The following CXCL16 variants were observed in gnomAD, a reference collection of about 807,000 sequenced individuals.
CXCL16 encodes the protein C-X-C motif chemokine 16.
In CXCL16, 18 loss-of-function variants were observed where a neutral mutation model predicts 23.8. The observed-to-expected ratio is 0.76, with a 90% confidence interval of 0.52 to 1.12. The LOEUF (loss-of-function observed/expected upper bound fraction) is 1.12, where lower values mean the gene tolerates loss of function less well. Among genes scored for constraint, CXCL16 ranks in the 50% most tolerant of loss-of-function variants. CXCL16 has a pLI of 0.00. For synonymous variants in CXCL16, 123 were observed against 132.5 expected (o/e 0.93, Z 0.49); for missense variants, 297 against 315.4 (o/e 0.94, Z 0.44).
chr17:4,733,743 G>A lies in CXCL16; in HGVS notation c.*760C>T, dbSNP rs895030356. ...TCGCTGCGGGTACAGGAGGATGCAG[G>A]AGAGGGCTGAGGTGGGGGAGGAACA... On this transcript the variant is annotated 3_prime_UTR_variant, in exon 6 of 6. Coordinates refer to ENST00000293778, the MANE Select transcript of CXCL16 (RefSeq NM_001386809.1). 1.3e-5 allele frequency: 2 copies of A among 153,974 alleles called. No homozygotes were observed. The highest frequency in any genetic ancestry group is 4.8e-5 in the African/African-American group (2 of 41,416). 9.5% of individuals were successfully genotyped at this position (153,974 alleles called of 1,614,324 possible). A position where few individuals can be genotyped will look rare whatever the true frequency, so the allele number is the denominator to read the frequency against.
At position 4,739,687 on chromosome 17, in the gene CXCL16, G is replaced by A. The variant is rs1185061859; in HGVS notation, c.-348C>T. 2.6e-6 allele frequency: 2 copies of A among 771,366 alleles called. No homozygotes were observed. The highest frequency in any genetic ancestry group is 4.1e-5 in the Admixed American group (1 of 24,282). The allele number at this position is 771,366 out of a possible 1,614,324, so 47.8% of individuals were successfully genotyped here. A position where few individuals can be genotyped will look rare whatever the true frequency, so the allele number is the denominator to read the frequency against. On this transcript the variant is annotated 5_prime_UTR_variant, in exon 1 of 6. Coordinates refer to ENST00000293778, the MANE Select transcript of CXCL16 (RefSeq NM_001386809.1). This position sits in a 1 kb window ranked among gnomAD's most constrained non-coding sequence, Gnocchi z 5.3. ...CGGCGGCGGGCGAGGAGGGGCGGGA[G>A]GACGACGGCCCGAGGAGCCGATTCG... is the stretch of plus-strand genomic sequence containing the variant.
At position 4,734,596 on chromosome 17, in the gene CXCL16, C is replaced by G; in HGVS notation, c.*10G>C. 1.2e-6 allele frequency: 2 copies of G among 1,606,216 alleles called. No individual in the cohort carries two copies. The highest frequency in any genetic ancestry group is 2.2e-5 in the South Asian group (2 of 90,922). ...GCCACAGTTTACCCTCACAAGCTTC[C>G]ATTCTTGGCTCAGGTATTAGAGTCA... On this transcript the variant is annotated 3_prime_UTR_variant, in exon 5 of 6. Coordinates refer to ENST00000293778, the MANE Select transcript of CXCL16 (RefSeq NM_001386809.1).
chr17:4,734,662 A>G lies in CXCL16; in HGVS notation c.719-10T>C, dbSNP rs376027661. 107 of 1,609,204 alleles carry G rather than the reference A, an allele frequency of 6.6e-5. No individual in the cohort carries two copies. In the African/African-American group the frequency reaches 1.3e-3, roughly 19 times the overall value. ...TAATGAACCGGCAGATCTGGAAAGG[A>G]TAAAGAAATTGAGAGATGAGCTCTG... On this transcript the variant is annotated splice_polypyrimidine_tract_variant and intron_variant, in intron 4 of 5. Transcript: ENST00000293778.
chr17:4,739,136 G>A lies in CXCL16; in HGVS notation c.79+125C>T, dbSNP rs1408466140. ...CCTCTGTCCCCAACCCCAGGCGGCT[G>A]GCTGGCTTTCCTCTTGTCCCCGCTG... On this transcript the variant is annotated intron_variant, in intron 1 of 5. Coordinates refer to ENST00000293778, the MANE Select transcript of CXCL16 (RefSeq NM_001386809.1). This position sits in a 1 kb window ranked among gnomAD's most constrained non-coding sequence, Gnocchi z 5.3. 2 of 1,341,348 alleles carry A rather than the reference G, an allele frequency of 1.5e-6. No individual in the cohort carries two copies. Among genetic ancestry groups the A allele is most frequent in the Non-Finnish European group, 1.0e-6 (1 of 981,794 alleles). 83.1% of individuals were successfully genotyped at this position (1,341,348 alleles called of 1,614,324 possible). A position where few individuals can be genotyped will look rare whatever the true frequency, so the allele number is the denominator to read the frequency against.
rs1477902740 is a variant in CXCL16 at position 4,735,528 on chromosome 17, G to T, written c.302-20C>A. 6.7e-7 allele frequency: 1 copy of T among 1,497,624 alleles called. No homozygotes were observed. Among genetic ancestry groups the T allele is most frequent in the East Asian group, 2.3e-5 (1 of 43,404 alleles). The allele number at this position is 1,497,624 out of a possible 1,614,324, so 92.8% of individuals were successfully genotyped here. On this transcript the variant is annotated intron_variant, in intron 3 of 5. Transcript: ENST00000293778. ...CACATTCTGGAAAGGAAAGAAATGA[G>T]GAATCAGGACTATCAGGAGACAAGG...
At chr17:4,736,070 C>CA (rs943344233) in intron 3 of CXCL16, among the ~76,000 whole-genome samples, 1,915 of 98,278 alleles carry the variant, frequency 0.019, 20 homozygotes, top group African/African-American at 0.034. Context: ...AACTCCATCT[C>CA]AAAAAAAAAA....
chr17:4,739,506 G>T lies in CXCL16; in HGVS notation c.-167C>A. 9.9e-7 allele frequency: 1 copy of T among 1,011,368 alleles called. No homozygotes were observed. Among genetic ancestry groups the T allele is most frequent in the Non-Finnish European group, 1.4e-6 (1 of 691,978 alleles). The allele number at this position is 1,011,368 out of a possible 1,614,324, so 62.6% of individuals were successfully genotyped here. The stretch of plus-strand genomic sequence containing the variant: ...CAGCTGCACCCCCCGGCCCTGCTGT[G>T]CCCCGACCGTGCGCTCAGTACTCGG... On this transcript the variant is annotated 5_prime_UTR_variant, in exon 1 of 6. Transcript: ENST00000293778. This position sits in a 1 kb window ranked among gnomAD's most constrained non-coding sequence, Gnocchi z 5.3.
chr17:4,739,375 C>T lies in CXCL16; in HGVS notation c.-36G>A. ...CGCGGACTCTGCGGGGATGGAGCCACCTCGCTCTGACTCCCAGACATGCTC... is the reference window on the plus strand; with the variant it reads ...CGCGGACTCTGCGGGGATGGAGCCATCTCGCTCTGACTCCCAGACATGCTC... On this transcript the variant is annotated 5_prime_UTR_variant, in exon 1 of 6. In the 5' UTR this introduces an upstream ATG that the reference lacks. Transcript: ENST00000293778. This position sits in a 1 kb window ranked among gnomAD's most constrained non-coding sequence, Gnocchi z 5.3. 1 of 1,612,662 alleles carries T rather than the reference C, an allele frequency of 6.2e-7. No individual in the cohort carries two copies. The highest frequency in any genetic ancestry group is 8.5e-7 in the Non-Finnish European group (1 of 1,179,812).
At position 4,739,545 on chromosome 17, in the gene CXCL16, A is replaced by T; in HGVS notation, c.-206T>A. 1.3e-6 allele frequency: 1 copy of T among 757,498 alleles called. No homozygotes were observed. The highest frequency in any genetic ancestry group is 2.0e-6 in the Non-Finnish European group (1 of 493,360). 46.9% of individuals were successfully genotyped at this position (757,498 alleles called of 1,614,324 possible). A position where few individuals can be genotyped will look rare whatever the true frequency, so the allele number is the denominator to read the frequency against. ...CTCAGTACTCGGCCCGCGCCATGCC[A>T]GCCTCTGGACGCAGGGAAAGCCGAG... is the stretch of plus-strand genomic sequence containing the variant. On this transcript the variant is annotated 5_prime_UTR_variant, in exon 1 of 6. Coordinates refer to ENST00000293778, the MANE Select transcript of CXCL16 (RefSeq NM_001386809.1). This position sits in a 1 kb window ranked among gnomAD's most constrained non-coding sequence, Gnocchi z 5.3.
rs1024738480 is a variant in CXCL16, at chr17:4,739,857, G to T, written c.-518C>A. On this transcript the variant is annotated 5_prime_UTR_variant, in exon 1 of 6. Coordinates refer to ENST00000293778, the MANE Select transcript of CXCL16 (RefSeq NM_001386809.1). This position sits in a 1 kb window ranked among gnomAD's most constrained non-coding sequence, Gnocchi z 5.3. ...CAGCCGCGCTGCATGAGCCTCCCGGGCGGCCCGGTGGAGAGAGTCGCCGCC... is the reference window on the plus strand; with the variant it reads ...CAGCCGCGCTGCATGAGCCTCCCGGTCGGCCCGGTGGAGAGAGTCGCCGCC... 3.0e-6 allele frequency: 3 copies of T among 987,062 alleles called. No individual in the cohort carries two copies. The highest frequency in any genetic ancestry group is 9.2e-5 in the South Asian group (2 of 21,648). The allele number at this position is 987,062 out of a possible 1,614,324, so 61.1% of individuals were successfully genotyped here.
chr17:4,734,299 T>G lies in CXCL16; in HGVS notation c.*204A>C. ...AAAAGCAGATTTTATAGTATAACCG[T>G]TTTTAAATGAGGGGCCTAAGAGAGG... On this transcript the variant is annotated 3_prime_UTR_variant, in exon 6 of 6. Coordinates refer to ENST00000293778, the MANE Select transcript of CXCL16 (RefSeq NM_001386809.1). The G allele has an allele frequency of 4.1e-6, 1 of 241,054 alleles. No homozygotes were observed. The allele number at this position is 241,054 out of a possible 1,614,324, so 14.9% of individuals were successfully genotyped here.
rs992324966 is a variant in CXCL16 at position 4,738,307 on chromosome 17, A to C, written c.301+101T>G. ...GACAGGATCAGAAGAAGGTTCTAGG[A>C]ATGTGCGGCCCCAGGGGAAAAGGCT... On this transcript the variant is annotated intron_variant, in intron 3 of 5. Transcript: ENST00000293778. The surrounding 1 kb of genome is among the most constrained non-coding windows in gnomAD (Gnocchi z 4.0). 4.6e-6 allele frequency: 4 copies of C among 878,602 alleles called. No individual in the cohort carries two copies. Among genetic ancestry groups the C allele is most frequent in the Admixed American group, 2.1e-5 (1 of 47,990 alleles). The allele number at this position is 878,602 out of a possible 1,614,324, so 54.4% of individuals were successfully genotyped here.
Position 4,735,500 on chromosome 17 carries a change from G to A in CXCL16, c.310C>T (p.His104Tyr). 2.0e-6 allele frequency: 3 copies of A among 1,503,510 alleles called. No individual in the cohort carries two copies. Among genetic ancestry groups the A allele is most frequent in the Non-Finnish European group, 2.7e-6 (3 of 1,124,738 alleles). 93.1% of individuals were successfully genotyped at this position (1,503,510 alleles called of 1,614,324 possible). A position where few individuals can be genotyped will look rare whatever the true frequency, so the allele number is the denominator to read the frequency against. ...MSCLDLKECG[H>Y]AYSGIVAHQK... ...TGGGCCACAATCCCCGAGTAAGCAT[G>A]TCCACATTCTGGAAAGGAAAGAAAT... The change falls in exon 4 of 6, where the codon CAT becomes TAT. Residue 104 changes from histidine to tyrosine, a missense_variant. Coordinates refer to ENST00000293778, the MANE Select transcript of CXCL16 (RefSeq NM_001386809.1).
At chr17:4,735,678 A>T (rs566411875) in intron 3 of CXCL16, among the ~76,000 whole-genome samples, 170 bp from the exon 4 acceptor site, 1 of 151,658 alleles carries the variant, frequency 6.6e-6, no homozygotes, top group African/African-American at 2.4e-5. Context: ...CATTTATTTA[A>T]TCACAGTTTT....
chr17:4,738,794 A>G lies in CXCL16; in HGVS notation c.206T>C (p.Leu69Pro). The change falls in exon 2 of 6, where the codon CTA (leucine) becomes CCA (proline). Residue 69 changes from leucine to proline, a missense_variant. Physicochemically the swap from Leu to Pro is moderately conservative, Grantham distance 98. Transcript: ENST00000293778. The surrounding 1 kb of genome is among the most constrained non-coding windows in gnomAD (Gnocchi z 4.0). ...CAGGTAAAATTACCTCGTGTAGTATAGACACCGATGGTAAGCTCTCAGGTG... is the reference window on the plus strand; with the variant it reads ...CAGGTAAAATTACCTCGTGTAGTATGGACACCGATGGTAAGCTCTCAGGTG... ...RKHLRAYHRC[L>P]YYTRFQLLSW... The G allele has an allele frequency of 6.2e-7, 1 of 1,614,182 alleles. No individual in the cohort carries two copies. The highest frequency in any genetic ancestry group is 8.5e-7 in the Non-Finnish European group (1 of 1,180,024).
rs568257441 is a variant in CXCL16, at chr17:4,739,178, T to C, written c.79+83A>G. On this transcript the variant is annotated intron_variant, in intron 1 of 5. Coordinates refer to ENST00000293778, the MANE Select transcript of CXCL16 (RefSeq NM_001386809.1). This position sits in a 1 kb window ranked among gnomAD's most constrained non-coding sequence, Gnocchi z 5.3. ...TCCCCGCTGCCTTCATCCACTCAAC[T>C]CCGTGGGCCTCGTGTCCCCTCCCCA... The C allele has an allele frequency of 6.6e-7, 1 of 1,506,936 alleles. No individual in the cohort carries two copies. The highest frequency in any genetic ancestry group is 1.2e-5 in the South Asian group (1 of 81,874). 93.3% of individuals were successfully genotyped at this position (1,506,936 alleles called of 1,614,324 possible).
chr17:4,736,182 G>A (rs538850125), intron 3 of CXCL16: 2 of 152,490 alleles, frequency 1.3e-5, no homozygotes, highest in Non-Finnish European at 2.9e-5. Context: ...CCAAGTATAG[G>A]GCAGGACCCA....
At chr17:4,736,299 T>A (rs1235263823) in intron 3 of CXCL16, 1 of 152,162 alleles carries the variant, frequency 6.6e-6, no homozygotes, top group Non-Finnish European at 1.5e-5. Flanking sequence ...TTCTGCTGTT[T>A]TCGTAATTAC....
At position 4,739,469 on chromosome 17, in the gene CXCL16, G is replaced by A; in HGVS notation, c.-130C>T. On this transcript the variant is annotated 5_prime_UTR_variant, in exon 1 of 6. Transcript: ENST00000293778. This position sits in a 1 kb window ranked among gnomAD's most constrained non-coding sequence, Gnocchi z 5.3. ...GACCGGAGGAGACGGCGGCCGGAGA[G>A]GAGGCGCGAGCCAGCTGCACCCCCC... 7.1e-7 allele frequency: 1 copy of A among 1,410,790 alleles called. No individual in the cohort carries two copies. Among genetic ancestry groups the A allele is most frequent in the South Asian group, 1.2e-5 (1 of 83,994 alleles). 87.4% of individuals were successfully genotyped at this position (1,410,790 alleles called of 1,614,324 possible).
Sources: gnomAD v4.1 joint callset for allele counts (sites outside exome capture counted in the v4.1 genomes callset) on GRCh38, gnomAD v4.1.1 for gene constraint, Gnocchi (gnomAD v3.1) non-coding constraint, MANE v1.5 for transcripts, NCBI Gene and HGNC (gene_info 2026-07-23, HGNC 2026-07-21) for gene names.